Variants in NMNAT2 observed in about 807,000 individuals in gnomAD.
NMNAT2 encodes nicotinamide/nicotinic acid mononucleotide adenylyltransferase 2.
A neutral mutation model predicts 41.6 loss-of-function variants in NMNAT2; 11 were observed. That is an observed-to-expected ratio of 0.26 (90% confidence interval 0.17 to 0.44). The LOEUF is 0.44. Among genes scored for constraint, NMNAT2 ranks in the 20% least tolerant of loss-of-function variants. The pLI, the probability that NMNAT2 is intolerant of heterozygous loss-of-function variation, is 1.00. For missense variants in NMNAT2, 288 were observed against 407.7 expected (o/e 0.71, Z 2.53); for synonymous variants, 148 against 151.2 (o/e 0.98, Z 0.16).
chr1:183,364,198 G>A (rs997285375), intron 1 of NMNAT2, among the ~76,000 whole-genome samples: 3 of 152,234 alleles, frequency 2.0e-5, no homozygotes, highest in South Asian at 4.1e-4. Context: ...CTAGGAACAC[G>A]AAAGGGGATA....
chr1:183,326,024 G>GA (rs1662454843), intron 1 of NMNAT2, among the ~76,000 whole-genome samples: 1 of 152,104 alleles, frequency 6.6e-6, no homozygotes, highest in African/African-American at 2.4e-5. Context: ...ATATACATGT[G>GA]AATCAAGAAA....
At chr1:183,380,595 T>G (rs1201316674) in intron 1 of NMNAT2, among the ~76,000 whole-genome samples, 1 of 152,208 alleles carries the variant, frequency 6.6e-6, no homozygotes, top group African/African-American at 2.4e-5. Context: ...TGAAAAATTC[T>G]GACTGGACAG....
chr1:183,393,214 A>G (rs150720422), intron 1 of NMNAT2, among the ~76,000 whole-genome samples: 7 of 152,356 alleles, frequency 4.6e-5, no homozygotes, highest in Admixed American at 3.9e-4. Flanking sequence ...CATCATCATC[A>G]TAACTCATGT....
chr1:183,275,215 T>A (rs759899061), intron 8 of NMNAT2, among the ~76,000 whole-genome samples: 26 of 152,206 alleles, frequency 1.7e-4, no homozygotes, highest in Non-Finnish European at 3.4e-4. Context: ...AAAATTACCC[T>A]GTGGGATAGG....
intron 1 of NMNAT2, among the ~76,000 whole-genome samples, chr1:183,311,416 C>G (rs1212478068): frequency 2.0e-5 from 3 of 152,092 alleles, no homozygotes; most frequent in Non-Finnish European, 2.9e-5. Context: ...CTTTCATTTT[C>G]TAGATTCAAA....
At chr1:183,270,523 C>T (rs1003418439) in intron 8 of NMNAT2, among the ~76,000 whole-genome samples, 2 of 151,180 alleles carry the variant, frequency 1.3e-5, no homozygotes, top group Admixed American at 6.6e-5. Flanking sequence ...CAGGATGGCC[C>T]TCTTAATGAA....
intron 1 of NMNAT2, among the ~76,000 whole-genome samples, chr1:183,405,815 C>T (rs997224371): frequency 1.3e-5 from 2 of 152,210 alleles, no homozygotes; most frequent in African/African-American, 4.8e-5. Context: ...CGCTTAGTCT[C>T]AGCCCTGCCT....
At chr1:183,337,605 A>G (rs1281156160) in intron 1 of NMNAT2, among the ~76,000 whole-genome samples, 1 of 150,040 alleles carries the variant, frequency 6.7e-6, no homozygotes, top group Non-Finnish European at 1.5e-5. Flanking sequence ...TACATTTGAG[A>G]AGCATCTGTA....
intron 3 of NMNAT2, among the ~76,000 whole-genome samples, chr1:183,292,480 C>G (rs1661568657): frequency 1.3e-5 from 2 of 152,240 alleles, no homozygotes; most frequent in African/African-American, 4.8e-5. Flanking sequence ...TTCTGATTTT[C>G]TGGTCATGCT....
In NMNAT2 at chr1:183,248,900, G is replaced by A. The variant is rs200216066; in HGVS notation, c.*3741C>T. 4.7e-5 allele frequency: 7 copies of A among 148,506 alleles called. No homozygotes were observed. In the South Asian group the frequency reaches 1.5e-3, roughly 32 times the overall value. 9.2% of individuals were successfully genotyped at this position (148,506 alleles called of 1,614,324 possible). On this transcript the variant is annotated 3_prime_UTR_variant, in exon 11 of 11. Coordinates refer to ENST00000287713, the MANE Select transcript of NMNAT2 (RefSeq NM_015039.4). ...CTTAGTCCCCTAAAAGAGTGTGTGT[G>A]TGTGTGTGTGTGTGTGTGTGTGTGT...
At chr1:183,318,621 A>C (rs143292848) in intron 1 of NMNAT2, among the ~76,000 whole-genome samples, 2 of 152,306 alleles carry the variant, frequency 1.3e-5, no homozygotes, top group African/African-American at 4.8e-5. Context: ...GGACAGAATC[A>C]TTGCACAACC....
intron 1 of NMNAT2, among the ~76,000 whole-genome samples, chr1:183,370,653 G>A (rs551441438): frequency 7.2e-5 from 11 of 152,352 alleles, no homozygotes; most frequent in South Asian, 4.1e-4. Flanking sequence ...AAGAGGCAGC[G>A]TTGAGGAGAG....
At position 183,278,546 on chromosome 1, in the gene NMNAT2, T is replaced by C. The variant is rs754149514; in HGVS notation, c.651+7A>G. The C allele has an allele frequency of 3.7e-6, 6 of 1,604,562 alleles. No homozygotes were observed. The highest frequency in any genetic ancestry group is 5.1e-6 in the Non-Finnish European group (6 of 1,171,394). ...GCTGGGTGCCAGGCAATAACCTTGC[T>C]ACTCACATCTGCCTCGTTCCAGAGC... is the stretch of plus-strand genomic sequence containing the variant. On this transcript the variant is annotated splice_region_variant and intron_variant, in intron 8 of 10. Coordinates refer to ENST00000287713, the MANE Select transcript of NMNAT2 (RefSeq NM_015039.4).
At chr1:183,381,228 C>A (rs536405960) in intron 1 of NMNAT2, among the ~76,000 whole-genome samples, 3 of 152,152 alleles carry the variant, frequency 2.0e-5, no homozygotes, top group South Asian at 2.1e-4. Flanking sequence ...AGATTGGCAA[C>A]CTTTTGGGTC....
At chr1:183,316,237 C>A (rs1662246922) in intron 1 of NMNAT2, among the ~76,000 whole-genome samples, 1 of 152,118 alleles carries the variant, frequency 6.6e-6, no homozygotes, top group African/African-American at 2.4e-5. Flanking sequence ...TTCATTTTGG[C>A]ACAGGTCATG....
At chr1:183,288,966 C>T (rs77186214) in intron 4 of NMNAT2, among the ~76,000 whole-genome samples, 2,956 of 152,264 alleles carry the variant, frequency 0.019, 83 homozygotes, top group African/African-American at 0.068. Flanking sequence ...TCTTCAATTC[C>T]GTGGGGAAGA....
chr1:183,296,794 A>G (rs889723984), intron 1 of NMNAT2, among the ~76,000 whole-genome samples: 1 of 152,040 alleles, frequency 6.6e-6, no homozygotes, highest in Admixed American at 6.6e-5. Context: ...GATTACAGGC[A>G]TGAGCCACCG....
At chr1:183,266,986 C>G (rs571437189) in intron 8 of NMNAT2, 1 of 166,974 alleles carries the variant, frequency 6.0e-6, no homozygotes, top group Non-Finnish European at 1.3e-5. Flanking sequence ...AACAGGTCTG[C>G]CAAATCTAGG....
chr1:183,310,571 C>T (rs1662090753), intron 1 of NMNAT2, among the ~76,000 whole-genome samples: 1 of 152,144 alleles, frequency 6.6e-6, no homozygotes, highest in Non-Finnish European at 1.5e-5. Context: ...GGGTTGATCA[C>T]CCCCCAGGGC....
Sources: gnomAD v4.1 joint callset for allele counts (sites outside exome capture counted in the v4.1 genomes callset) on GRCh38, gnomAD v4.1.1 for gene constraint, MANE v1.5 for transcripts, NCBI Gene and HGNC (gene_info 2026-07-23, HGNC 2026-07-21) for gene names.